Variants in SPOPL observed in about 807,000 individuals in gnomAD.
SPOPL encodes speckle-type POZ protein-like.
SPOPL carries 23 observed loss-of-function variants against 53.8 expected under a neutral mutation model. The observed-to-expected ratio is 0.43, with a 90% CI of 0.31 to 0.61. SPOPL has a LOEUF of 0.61. Among genes scored for constraint, SPOPL ranks in the 20% least tolerant of loss-of-function variants. The pLI is 0.12. For missense variants in SPOPL, 442 were observed against 466.9 expected (o/e 0.95, Z 0.49); for synonymous variants, 164 against 149.7 (o/e 1.10, Z -0.70).
At chr2:138,544,217 A>T (rs1685139282) in intron 1 of SPOPL, among the ~76,000 whole-genome samples, 2 of 152,166 alleles carry the variant, frequency 1.3e-5, no homozygotes, top group Admixed American at 6.5e-5. Flanking sequence ...CTGTTCTCAG[A>T]TGTCCAGCTG....
intron 1 of SPOPL, among the ~76,000 whole-genome samples, chr2:138,528,028 G>A (rs1046018235): frequency 9.9e-5 from 15 of 152,096 alleles, no homozygotes; most frequent in South Asian, 2.1e-4. Flanking sequence ...ATTTTTCTTC[G>A]CATCTCATTC....
intron 1 of SPOPL, among the ~76,000 whole-genome samples, chr2:138,529,536 T>TCGCA (rs72375808): frequency 3.1e-5 from 3 of 97,586 alleles, no homozygotes; most frequent in Non-Finnish European, 6.7e-5. Flanking sequence ...GTGTGTGTGT[T>TCGCA]TGCGTGCGCG....
chr2:138,547,119 C>T (rs1458710158), intron 1 of SPOPL, among the ~76,000 whole-genome samples: 1 of 152,112 alleles, frequency 6.6e-6, no homozygotes, highest in Admixed American at 6.5e-5. Context: ...GCGCCCGCCC[C>T]CATGCCTGGC....
intron 8 of SPOPL, among the ~76,000 whole-genome samples, chr2:138,563,226 C>T (rs536757668): frequency 5.5e-4 from 84 of 152,178 alleles, no homozygotes; most frequent in African/African-American, 2.0e-3. Context: ...ACCTGTAATC[C>T]CAACACGTTA....
At chr2:138,550,338 T>C in intron 2 of SPOPL, 44 bp downstream of exon 2, 1 of 1,608,984 alleles carries the variant, frequency 6.2e-7, no homozygotes, top group South Asian at 1.1e-5. Context: ...ACTTATAAAT[T>C]TTACAGTATG....
chr2:138,571,977 A>G lies in SPOPL; in HGVS notation c.*2897A>G, dbSNP rs1558886004. ...ATTGTCTTGAATTGGTAATTGGAGA[A>G]CCTTGCATGAAATATGTGATCGTGT... On this transcript the variant is annotated 3_prime_UTR_variant, in exon 11 of 11. Transcript: ENST00000280098. 6.6e-6 allele frequency: 1 copy of G among 152,252 alleles called. No individual in the cohort carries two copies. Among genetic ancestry groups the G allele is most frequent in the Non-Finnish European group, 1.5e-5 (1 of 67,900 alleles). The allele number at this position is 152,252 out of a possible 1,614,324, so 9.4% of individuals were successfully genotyped here.
At chr2:138,567,372 A>AGT (rs57208490) in intron 10 of SPOPL, among the ~76,000 whole-genome samples, 3,933 of 112,876 alleles carry the variant, frequency 0.035, 99 homozygotes, top group Admixed American at 0.039. Flanking sequence ...AGAGCAGTAT[A>AGT]GTGTGTGTGT....
chr2:138,504,302 C>G (rs1684168126), intron 1 of SPOPL, among the ~76,000 whole-genome samples: 1 of 152,170 alleles, frequency 6.6e-6, no homozygotes, highest in African/African-American at 2.4e-5. Flanking sequence ...GCTCTTTCTC[C>G]TGTATATCCA....
intron 8 of SPOPL, among the ~76,000 whole-genome samples, chr2:138,562,150 C>T (rs1235542940): frequency 6.6e-6 from 1 of 151,608 alleles, no homozygotes; most frequent in Non-Finnish European, 1.5e-5. Flanking sequence ...CTCTCAAGAT[C>T]CTAGCAGTCT....
intron 1 of SPOPL, among the ~76,000 whole-genome samples, chr2:138,526,496 A>T (rs1274420439): frequency 1.3e-5 from 2 of 151,958 alleles, no homozygotes; most frequent in African/African-American, 4.8e-5. Context: ...GTAATTTTTA[A>T]TTTTTTAGTA....
chr2:138,538,058 C>T lies in SPOPL; in HGVS notation c.-60-12099C>T, dbSNP rs149322886. On this transcript the variant is annotated intron_variant, in intron 1 of 10. Coordinates refer to ENST00000280098, the MANE Select transcript of SPOPL (RefSeq NM_001001664.3). Reference sequence around the variant, plus strand: ...TCTGTTACTGATTTATAGTTTCATTCAACTGCAATCAGAGAGGATACTTTG... The same window carrying T: ...TCTGTTACTGATTTATAGTTTCATTTAACTGCAATCAGAGAGGATACTTTG... Among the ~76,000 whole-genome samples, 721 of 152,194 alleles carry T rather than the reference C, an allele frequency of 4.7e-3. 7 individuals are homozygous for T. Among genetic ancestry groups the T allele is most frequent in the Non-Finnish European group, 4.7e-3 (321 of 68,032 alleles).
intron 1 of SPOPL, among the ~76,000 whole-genome samples, chr2:138,527,360 G>A (rs1230007054): frequency 1.3e-5 from 2 of 152,074 alleles, no homozygotes; most frequent in Non-Finnish European, 2.9e-5. Flanking sequence ...ACTGGACCTC[G>A]TCAATCTGAC....
At chr2:138,533,353 C>G (rs1309711660) in intron 1 of SPOPL, among the ~76,000 whole-genome samples, 2 of 152,070 alleles carry the variant, frequency 1.3e-5, no homozygotes, top group Non-Finnish European at 2.9e-5. Flanking sequence ...TTTCTGTGTC[C>G]TGAAGTGCTT....
chr2:138,511,466 G>C (rs2104856177), intron 1 of SPOPL, among the ~76,000 whole-genome samples: 1 of 152,278 alleles, frequency 6.6e-6, no homozygotes, highest in Admixed American at 6.5e-5. Flanking sequence ...AGTACCCTTT[G>C]TAAAGCACTT....
chr2:138,520,085 A>G (rs763285775), intron 1 of SPOPL, among the ~76,000 whole-genome samples: 11 of 152,252 alleles, frequency 7.2e-5, no homozygotes, highest in Non-Finnish European at 1.5e-4. Flanking sequence ...AACCTCCTCT[A>G]TGAGCTGAGT....
chr2:138,548,590 AGTTTT>A (rs1272961480), intron 1 of SPOPL, among the ~76,000 whole-genome samples: 27 of 151,790 alleles, frequency 1.8e-4, no homozygotes, highest in Non-Finnish European at 3.8e-4. Context: ...TTTTTAATTT[AGTTTT>A]AATTTTTATT....
chr2:138,529,537 T>TCAC (rs1558867590), intron 1 of SPOPL, among the ~76,000 whole-genome samples: 76 of 100,082 alleles, frequency 7.6e-4, no homozygotes, highest in African/African-American at 2.3e-3. Flanking sequence ...TGTGTGTGTT[T>TCAC]GCGTGCGCGC....
intron 1 of SPOPL, among the ~76,000 whole-genome samples, chr2:138,516,536 G>T (rs1428306844): frequency 6.6e-6 from 1 of 152,176 alleles, no homozygotes; most frequent in Non-Finnish European, 1.5e-5. Flanking sequence ...CAAGGAATTT[G>T]ATGCTGGTAG....
intron 1 of SPOPL, among the ~76,000 whole-genome samples, chr2:138,534,952 A>G (rs1293143529): frequency 6.6e-6 from 1 of 152,152 alleles, no homozygotes; most frequent in African/African-American, 2.4e-5. Flanking sequence ...TTATGACTAC[A>G]TATTATTTCA....
Sources: gnomAD v4.1 joint callset for allele counts (sites outside exome capture counted in the v4.1 genomes callset) on GRCh38, gnomAD v4.1.1 for gene constraint, MANE v1.5 for transcripts, NCBI Gene and HGNC (gene_info 2026-07-23, HGNC 2026-07-21) for gene names.